ADAMTS12: variants seen among roughly 807,000 people sequenced by gnomAD.
The protein encoded by ADAMTS12 is A disintegrin and metalloproteinase with thrombospondin motifs 12.
Under a neutral mutation model 167.8 loss-of-function variants are expected in ADAMTS12, and 118 were observed. The observed-to-expected ratio is 0.70, with a 90% CI of 0.61 to 0.82. ADAMTS12 has a LOEUF of 0.82. Ranked by LOEUF, ADAMTS12 falls within the 40% of genes least tolerant of loss-of-function variation. The pLI is 0.00. For synonymous variants in ADAMTS12, 704 were observed against 716.9 expected, an observed-to-expected ratio of 0.98 and a Z score of 0.29; for missense variants, 1,916 against 1,998.8, an observed-to-expected ratio of 0.96 and a Z score of 0.79.
rs78056845 is a variant in ADAMTS12 at position 33,685,476 on chromosome 5, G to C, written c.635-1421C>G. ...CTCCCTTGGTACTCTCTAGGCTGTG[G>C]AGTTGCTTACACTGATTTGTGTGTA... On this transcript the variant is annotated intron_variant, in intron 3 of 23. Coordinates refer to ENST00000504830, the MANE Select transcript of ADAMTS12 (RefSeq NM_030955.4). Among the ~76,000 whole-genome samples, 16 of 152,300 alleles carry C rather than the reference G, an allele frequency of 1.1e-4. No individual in the cohort carries two copies. The East Asian group carries it at 3.1e-3, about 29-fold the overall frequency.
At chr5:33,620,894 G>A (rs1739289684) in intron 14 of ADAMTS12, among the ~76,000 whole-genome samples, 1 of 152,068 alleles carries the variant, frequency 6.6e-6, no homozygotes, top group South Asian at 2.1e-4. Flanking sequence ...GACTCATTTG[G>A]TTCGACCCCG....
chr5:33,771,880 G>A (rs1745752661), intron 2 of ADAMTS12, among the ~76,000 whole-genome samples: 1 of 150,942 alleles, frequency 6.6e-6, no homozygotes, highest in African/African-American at 2.4e-5. Context: ...ACCCAGGCTG[G>A]AGTGGCACAA....
chr5:33,701,418 T>A (rs1486021686), intron 3 of ADAMTS12, among the ~76,000 whole-genome samples: 1 of 152,144 alleles, frequency 6.6e-6, no homozygotes, highest in African/African-American at 2.4e-5. Flanking sequence ...TCTGCACTCA[T>A]CATAGACTGC....
intron 2 of ADAMTS12, among the ~76,000 whole-genome samples, chr5:33,826,555 T>C (rs1297337620): frequency 7.2e-6 from 1 of 138,464 alleles, no homozygotes; most frequent in Non-Finnish European, 1.5e-5. Flanking sequence ...AAAACAGAAA[T>C]ATGTTTATGT....
At chr5:33,707,616 T>C (rs1255701218) in intron 3 of ADAMTS12, among the ~76,000 whole-genome samples, 1 of 152,042 alleles carries the variant, frequency 6.6e-6, no homozygotes, top group Non-Finnish European at 1.5e-5. Flanking sequence ...TGTAGACCAA[T>C]GGAACACAAC....
chr5:33,576,714 T>G lies in ADAMTS12; in HGVS notation c.3312A>C (p.Glu1104Asp), dbSNP rs781414069. ...SQSLSIQPSE[E>D]NVSSSDTGPT... Reference sequence around the variant, plus strand: ...GACCAGTATCTGAACTGGAAACATTTTCCTCACTTGGCTGAATGCTCAAGG... The same window carrying G: ...GACCAGTATCTGAACTGGAAACATTGTCCTCACTTGGCTGAATGCTCAAGG... The change falls in exon 19 of 24, where the codon GAA (glutamate) becomes GAC (aspartate). Residue 1104 changes from glutamate (E) to aspartate (D), a missense_variant. Coordinates refer to ENST00000504830, the MANE Select transcript of ADAMTS12 (RefSeq NM_030955.4). 6.8e-6 allele frequency: 11 copies of G among 1,614,216 alleles called. No homozygotes were observed. Among genetic ancestry groups the G allele is most frequent in the Admixed American group, 1.7e-5 (1 of 60,012 alleles).
At chr5:33,808,313 C>G (rs1747319142) in intron 2 of ADAMTS12, among the ~76,000 whole-genome samples, 1 of 152,106 alleles carries the variant, frequency 6.6e-6, no homozygotes, top group Non-Finnish European at 1.5e-5. Flanking sequence ...CTTGGCTCAG[C>G]CTTGGACTCC....
intron 2 of ADAMTS12, among the ~76,000 whole-genome samples, chr5:33,819,914 A>C (rs537610422): frequency 9.2e-5 from 14 of 152,236 alleles, no homozygotes; most frequent in African/African-American, 3.1e-4. Context: ...AGGGAAAAGG[A>C]ATATTCTCCA....
rs70964412 is a variant in ADAMTS12 at position 33,686,936 on chromosome 5, T to TATAG, written c.635-2882_635-2881insCTAT. 7.7e-3 allele frequency among the ~76,000 whole-genome samples: 1,121 copies of TATAG among 145,614 alleles called. 17 individuals are homozygous for TATAG. The highest frequency in any genetic ancestry group is 0.032 in the South Asian group (137 of 4,274). ...TATAGGCACTGAATATATATATATA[T>TATAG]AGAGAGAGAGAGAGAGAGAGCAAGA... On this transcript the variant is annotated intron_variant, in intron 3 of 23. Coordinates refer to ENST00000504830, the MANE Select transcript of ADAMTS12 (RefSeq NM_030955.4).
intron 2 of ADAMTS12, among the ~76,000 whole-genome samples, chr5:33,809,405 G>A (rs1031113354): frequency 6.6e-6 from 1 of 152,102 alleles, no homozygotes; most frequent in Admixed American, 6.5e-5. Flanking sequence ...TTCTATTATT[G>A]CTAATGAGAA....
chr5:33,816,853 T>C (rs1167874254), intron 2 of ADAMTS12, among the ~76,000 whole-genome samples: 1 of 152,184 alleles, frequency 6.6e-6, no homozygotes, highest in Non-Finnish European at 1.5e-5. Context: ...TTTCTTCATC[T>C]TTGCCTCAGA....
chr5:33,670,215 T>C (rs539155275), intron 5 of ADAMTS12, among the ~76,000 whole-genome samples: 1 of 151,622 alleles, frequency 6.6e-6, no homozygotes, highest in Admixed American at 6.6e-5. Context: ...AAGGAGGATA[T>C]ACAGATAGCA....
At chr5:33,885,659 G>C (rs1750609659) in intron 1 of ADAMTS12, among the ~76,000 whole-genome samples, 1 of 152,190 alleles carries the variant, frequency 6.6e-6, no homozygotes, top group South Asian at 2.1e-4. Flanking sequence ...GTCTGACAAT[G>C]ATCACTCCCG....
chr5:33,848,244 T>C (rs1379272832), intron 2 of ADAMTS12, among the ~76,000 whole-genome samples: 1 of 148,454 alleles, frequency 6.7e-6, no homozygotes. Flanking sequence ...AGCAAGGAAA[T>C]GCCTGAGTAC....
At chr5:33,580,449 C>A (rs554100344) in intron 18 of ADAMTS12, among the ~76,000 whole-genome samples, 1 of 94,600 alleles carries the variant, frequency 1.1e-5, no homozygotes, top group South Asian at 3.1e-4. Context: ...ATGATCTAAT[C>A]ATTCCCCATG....
At chr5:33,619,649 A>G (rs1018238937) in intron 14 of ADAMTS12, among the ~76,000 whole-genome samples, 2 of 152,106 alleles carry the variant, frequency 1.3e-5, no homozygotes, top group African/African-American at 4.8e-5. Context: ...TCATATAATA[A>G]CTTTGCTATG....
intron 2 of ADAMTS12, among the ~76,000 whole-genome samples, chr5:33,878,142 C>T (rs1481817726): frequency 6.6e-6 from 1 of 152,208 alleles, no homozygotes; most frequent in African/African-American, 2.4e-5. Context: ...AAGTCAGGTA[C>T]AAGTCCAACC....
At chr5:33,643,329 G>A in intron 10 of ADAMTS12, 49 bp downstream of exon 10, 2 of 1,596,308 alleles carry the variant, frequency 1.3e-6, no homozygotes, top group Non-Finnish European at 8.6e-7. Context: ...CTCCTCCCAA[G>A]AACTCTGCCC....
At chr5:33,794,003 T>C (rs984507488) in intron 2 of ADAMTS12, among the ~76,000 whole-genome samples, 10 of 152,162 alleles carry the variant, frequency 6.6e-5, no homozygotes, top group African/African-American at 2.2e-4. Flanking sequence ...CCCGTGGAGT[T>C]TACCCCCTGC....
Sources: gnomAD v4.1 joint callset for allele counts (sites outside exome capture counted in the v4.1 genomes callset) on GRCh38, gnomAD v4.1.1 for gene constraint, MANE v1.5 for transcripts, NCBI Gene and HGNC (gene_info 2026-07-23, HGNC 2026-07-21) for gene names.